BLTP1: variants seen among roughly 807,000 people sequenced by gnomAD.
BLTP1 encodes bridge-like lipid transfer protein family member 1.
chr4:122,261,851 C>T, the BLTP1 span: 4 of 985,386 alleles, frequency 4.1e-6, no homozygotes, highest in Non-Finnish European at 3.6e-6. Context: ...TGTCAACACC[C>T]TTCCTCCACC....
At chr4:122,272,314 C>A in the BLTP1 span, 1 of 1,613,140 alleles carries the variant, frequency 6.2e-7, no homozygotes, top group Non-Finnish European at 8.5e-7. Flanking sequence ...TGGTGAACCG[C>A]ACACACCTAG....
chr4:122,241,165 T>G, the BLTP1 span, among the ~76,000 whole-genome samples: 1 of 152,088 alleles, frequency 6.6e-6, no homozygotes, highest in Non-Finnish European at 1.5e-5. Flanking sequence ...AGATAATATT[T>G]AGACTTAAAT....
the BLTP1 span, chr4:122,154,161 A>ATTTTT: frequency 6.8e-6 from 2 of 292,898 alleles, no homozygotes; most frequent in African/African-American, 1.3e-4. Context: ...TCGGTTAAAG[A>ATTTTT]CTTTTTTTTT....
chr4:122,174,188 C>T, the BLTP1 span: 1 of 985,084 alleles, frequency 1.0e-6, no homozygotes, highest in Non-Finnish European at 1.2e-6. Context: ...TTCTTTCAAA[C>T]ATAAATCGTC....
the BLTP1 span, chr4:122,293,271 C>T: frequency 1.6e-6 from 1 of 639,660 alleles, no homozygotes; most frequent in African/African-American, 2.0e-5. Flanking sequence ...GTCCAGGACT[C>T]TCACACAGAG....
the BLTP1 span, chr4:122,210,834 C>T: frequency 6.3e-7 from 1 of 1,583,132 alleles, no homozygotes; most frequent in Admixed American, 1.8e-5. Context: ...TCCAAGAAGT[C>T]TTTTGTCCCC....
the BLTP1 span, chr4:122,198,401 G>T: frequency 5.1e-5 from 50 of 985,360 alleles, no homozygotes; most frequent in Non-Finnish European, 6.0e-5. Context: ...TTTTACAGGT[G>T]TATGATGGGG....
the BLTP1 span, chr4:122,254,983 A>T: frequency 1.3e-6 from 2 of 1,554,816 alleles, no homozygotes; most frequent in Non-Finnish European, 1.8e-6. Flanking sequence ...ACAAGGTATT[A>T]TACAAACTTT....
chr4:122,307,872 C>T, the BLTP1 span: 14 of 1,536,962 alleles, frequency 9.1e-6, no homozygotes, highest in Admixed American at 2.2e-5. Context: ...GATTTTGCAG[C>T]TTTTGAGTTT....
the BLTP1 span, chr4:122,305,045 C>G: frequency 5.5e-6 from 8 of 1,443,552 alleles, no homozygotes; most frequent in South Asian, 1.1e-4. Context: ...TCAATTTTAA[C>G]TACTGTAACT....
the BLTP1 span, chr4:122,152,638 G>T: frequency 4.1e-6 from 4 of 985,548 alleles, no homozygotes; most frequent in Non-Finnish European, 4.8e-6. Context: ...CCTTTTTCCA[G>T]TGTCTCTGGA....
chr4:122,305,554 G>GA, the BLTP1 span: 1 of 984,800 alleles, frequency 1.0e-6, no homozygotes. Flanking sequence ...AAGATACGAG[G>GA]AAAAAATGAA....
chr4:122,328,863 G>A, the BLTP1 span: 1 of 637,714 alleles, frequency 1.6e-6, no homozygotes, highest in Non-Finnish European at 1.9e-6. Flanking sequence ...AAGAGGAGCG[G>A]CAAGGATCTT....
chr4:122,234,857 T>C, the BLTP1 span: 1 of 1,613,526 alleles, frequency 6.2e-7, no homozygotes, highest in East Asian at 2.2e-5. Context: ...GCAGATTCTT[T>C]GGTGGCACAG....
At chr4:122,280,543 A>T in the BLTP1 span, among the ~76,000 whole-genome samples, 3 of 151,938 alleles carry the variant, frequency 2.0e-5, no homozygotes, top group South Asian at 6.2e-4. Flanking sequence ...GGCATCTGTA[A>T]TCCCAACTAC....
At chr4:122,352,366 T>C in the BLTP1 span, among the ~76,000 whole-genome samples, 30 of 148,134 alleles carry the variant, frequency 2.0e-4, no homozygotes, top group Admixed American at 1.6e-3. Flanking sequence ...TTTTTTTTTT[T>C]TTTTTTTTTT....
the BLTP1 span, chr4:122,276,180 TCAAGGAAAACA>T: frequency 1.6e-6 from 1 of 610,948 alleles, no homozygotes; most frequent in Non-Finnish European, 2.4e-6. Flanking sequence ...TTACTGGTAA[TCAAGGAAAACA>T]CAGGTAAGGG....
the BLTP1 span, among the ~76,000 whole-genome samples, chr4:122,280,846 G>C: frequency 2.6e-5 from 4 of 152,126 alleles, no homozygotes; most frequent in Admixed American, 2.0e-4. Flanking sequence ...CTGAAGCTAA[G>C]TAGTAAAAAT....
At chr4:122,264,036 G>C in the BLTP1 span, 1 of 820,554 alleles carries the variant, frequency 1.2e-6, no homozygotes, top group Non-Finnish European at 1.5e-6. Flanking sequence ...GGATAGATAA[G>C]GATGACATGT....
Sources: gnomAD v4.1 joint callset for allele counts (sites outside exome capture counted in the v4.1 genomes callset) on GRCh38, gnomAD v4.1.1 for gene constraint, MANE v1.5 for transcripts, NCBI Gene and HGNC (gene_info 2026-07-23, HGNC 2026-07-21) for gene names.